Variants in RABGAP1L observed in about 807,000 individuals in gnomAD.
RABGAP1L encodes the protein rab GTPase-activating protein 1-like.
RABGAP1L carries 63 observed loss-of-function variants against 137.7 expected under a neutral mutation model. That is an observed-to-expected ratio of 0.46 (90% confidence interval 0.37 to 0.56). RABGAP1L has a LOEUF of 0.56. Among genes scored for constraint, RABGAP1L ranks in the 20% least tolerant of loss-of-function variants. The pLI, the probability that RABGAP1L is intolerant of heterozygous loss-of-function variation, is 0.00. For synonymous variants in RABGAP1L, 431 were observed against 433.7 expected (o/e 0.99, Z 0.08); for missense variants, 1,095 against 1,244.0 (o/e 0.88, Z 1.80).
intron 13 of RABGAP1L, among the ~76,000 whole-genome samples, chr1:174,597,498 C>T (rs748722029): frequency 4.6e-5 from 7 of 151,826 alleles, no homozygotes; most frequent in African/African-American, 1.7e-4. Flanking sequence ...GATTTATTGG[C>T]ATATGGTTGT....
At chr1:174,795,029 T>C (rs1688142609) in intron 18 of RABGAP1L, among the ~76,000 whole-genome samples, 2 of 152,168 alleles carry the variant, frequency 1.3e-5, no homozygotes, top group African/African-American at 4.8e-5. Flanking sequence ...AAGAGCATTC[T>C]CAAGTGCAAG....
chr1:174,866,592 C>T (rs1226972996), intron 19 of RABGAP1L, among the ~76,000 whole-genome samples: 3 of 152,120 alleles, frequency 2.0e-5, no homozygotes. Flanking sequence ...TCTTTCTCCT[C>T]ATATTTGCGA....
At chr1:174,703,319 C>T (rs991511592) in intron 17 of RABGAP1L, among the ~76,000 whole-genome samples, 1 of 152,084 alleles carries the variant, frequency 6.6e-6, no homozygotes, top group African/African-American at 2.4e-5. Context: ...ATTCTGTGTC[C>T]ATGTATACAC....
At chr1:174,871,824 G>C (rs1241592677) in intron 19 of RABGAP1L, among the ~76,000 whole-genome samples, 1 of 152,190 alleles carries the variant, frequency 6.6e-6, no homozygotes, top group African/African-American at 2.4e-5. Context: ...ATGAGACAAA[G>C]TGAAGCATTA....
chr1:174,370,511 A>C (rs1270312710), intron 11 of RABGAP1L, among the ~76,000 whole-genome samples: 1 of 68,560 alleles, frequency 1.5e-5, no homozygotes, highest in Non-Finnish European at 3.1e-5. Flanking sequence ...AAGAAACCTA[A>C]CTTTTTTTTT....
chr1:174,250,254 C>G (rs1239271051), intron 5 of RABGAP1L, among the ~76,000 whole-genome samples: 1 of 152,064 alleles, frequency 6.6e-6, no homozygotes. Flanking sequence ...TCTACATTTA[C>G]CATCTACAGT....
At chr1:174,784,011 CTTTTTTT>C (rs3085670) in intron 18 of RABGAP1L, among the ~76,000 whole-genome samples, 150 of 52,150 alleles carry the variant, frequency 2.9e-3, no homozygotes, top group South Asian at 9.5e-3. Context: ...TCTTCTTCTT[CTTTTTTT>C]TTTTTTTTTT....
At chr1:174,327,982 C>CATATATATATATAT (rs1558136090) in intron 11 of RABGAP1L, among the ~76,000 whole-genome samples, 8 of 24,750 alleles carry the variant, frequency 3.2e-4, no homozygotes, top group African/African-American at 1.2e-3. Flanking sequence ...TATATATACA[C>CATATATATATATAT]ACACATATAT....
intron 7 of RABGAP1L, among the ~76,000 whole-genome samples, chr1:174,263,881 G>A (rs992827461): frequency 2.6e-5 from 4 of 151,692 alleles, no homozygotes; most frequent in East Asian, 1.9e-4. Flanking sequence ...TTGGGGGGCC[G>A]GGGGATGTTT....
In RABGAP1L at chr1:174,315,963, A is replaced by G. The variant is rs148444852; in HGVS notation, c.1465+10836A>G. ...TTTTGGCTTCTCTGACTGTATTTTCATATAACCTGCCTTTAGGCTCACTAA... is the reference window on the plus strand; with the variant it reads ...TTTTGGCTTCTCTGACTGTATTTTCGTATAACCTGCCTTTAGGCTCACTAA... On this transcript the variant is annotated intron_variant, in intron 11 of 25. Transcript: ENST00000681986. 1.2e-3 allele frequency among the ~76,000 whole-genome samples: 178 copies of G among 152,126 alleles called. 1 individual carries two copies. Among genetic ancestry groups the G allele is most frequent in the African/African-American group, 4.2e-3 (174 of 41,488 alleles).
chr1:174,790,623 A>G (rs1687779583), intron 18 of RABGAP1L, among the ~76,000 whole-genome samples: 1 of 52,326 alleles, frequency 1.9e-5, no homozygotes, highest in Admixed American at 2.8e-4. Context: ...GACAAAAGTG[A>G]AAAAAAAAAA....
intron 11 of RABGAP1L, chr1:174,366,994 C>A (rs542090967): frequency 6.6e-6 from 1 of 151,912 alleles, no homozygotes; most frequent in Admixed American, 6.6e-5. Flanking sequence ...TGTTACTTAG[C>A]CTTATAAAAT....
At chr1:174,666,903 A>G (rs76352044) in intron 14 of RABGAP1L, among the ~76,000 whole-genome samples, 3,363 of 151,874 alleles carry the variant, frequency 0.022, 56 homozygotes, top group Middle Eastern at 0.086. Context: ...TGTGTATTTC[A>G]GGTTAACCAA....
rs1672061298 is a variant in RABGAP1L at position 174,991,646 on chromosome 1, AATCTTTCATTGTTGTTCTGAC to A, written c.*1656_*1676del. 1 of 152,200 alleles carries A rather than the reference AATCTTTCATTGTTGTTCTGAC, an allele frequency of 6.6e-6. No individual in the cohort carries two copies. Among genetic ancestry groups the A allele is most frequent in the South Asian group, 2.1e-4 (1 of 4,836 alleles). 9.4% of individuals were successfully genotyped at this position (152,200 alleles called of 1,614,324 possible). On this transcript the variant is annotated 3_prime_UTR_variant, in exon 26 of 26. Transcript: ENST00000681986. ...CATCAGATAATACTTTTCTTACATA[AATCTTTCATTGTTGTTCTGAC>A]ATCTTTCATTACAAAATTTATTTTC...
At chr1:174,269,923 C>T (rs896129288) in intron 7 of RABGAP1L, among the ~76,000 whole-genome samples, 3 of 152,274 alleles carry the variant, frequency 2.0e-5, no homozygotes, top group Non-Finnish European at 4.4e-5. Flanking sequence ...CAGTGAAACA[C>T]TGAATACTCC....
intron 20 of RABGAP1L, among the ~76,000 whole-genome samples, chr1:174,964,154 C>T (rs1394877375): frequency 6.6e-6 from 1 of 152,110 alleles, no homozygotes; most frequent in African/African-American, 2.4e-5. Context: ...TGATAGCTGT[C>T]AACTCTTTTA....
At chr1:174,979,142 A>C (rs1472453628) in intron 23 of RABGAP1L, among the ~76,000 whole-genome samples, 2 of 152,182 alleles carry the variant, frequency 1.3e-5, no homozygotes. Flanking sequence ...CTATGATTGC[A>C]CCACTGTACT....
At chr1:174,735,913 C>T (rs1020094691) in intron 17 of RABGAP1L, among the ~76,000 whole-genome samples, 1 of 152,172 alleles carries the variant, frequency 6.6e-6, no homozygotes, top group Non-Finnish European at 1.5e-5. Flanking sequence ...ATGAGGGATA[C>T]ACCTCCATGA....
At chr1:174,451,027 A>G (rs1461171941) in intron 13 of RABGAP1L, among the ~76,000 whole-genome samples, 1 of 152,186 alleles carries the variant, frequency 6.6e-6, no homozygotes, top group African/African-American at 2.4e-5. Flanking sequence ...ATAATATTCT[A>G]TATATCAAAA....
Sources: gnomAD v4.1 joint callset for allele counts (sites outside exome capture counted in the v4.1 genomes callset) on GRCh38, gnomAD v4.1.1 for gene constraint, MANE v1.5 for transcripts, NCBI Gene and HGNC (gene_info 2026-07-23, HGNC 2026-07-21) for gene names.